Variants in PARD3B observed in about 807,000 individuals in gnomAD.
The protein encoded by PARD3B is partitioning defective 3 homolog B.
In PARD3B, 103 loss-of-function variants were observed where a neutral mutation model predicts 130.2. The observed-to-expected ratio is 0.79, with a 90% CI of 0.67 to 0.93. The LOEUF is 0.93. PARD3B is among the 40% of genes least tolerant of loss of function. PARD3B has a pLI of 0.00. For missense variants in PARD3B, 1,609 were observed against 1,499.2 expected (o/e 1.07, Z -1.21); for synonymous variants, 583 against 553.2 (o/e 1.05, Z -0.76).
chr2:205,264,009 A>T (rs543781650), intron 16 of PARD3B, among the ~76,000 whole-genome samples: 3 of 151,238 alleles, frequency 2.0e-5, no homozygotes, highest in Non-Finnish European at 4.4e-5. Context: ...AGACAGGTGG[A>T]TAGGACTTGA....
intron 1 of PARD3B, among the ~76,000 whole-genome samples, chr2:204,630,184 T>A (rs2034627985): frequency 6.6e-6 from 1 of 152,152 alleles, no homozygotes; most frequent in African/African-American, 2.4e-5. Flanking sequence ...CTCAATCTGA[T>A]CCAAACTGGT....
At chr2:205,531,499 G>T (rs886259255) in intron 21 of PARD3B, among the ~76,000 whole-genome samples, 1 of 152,024 alleles carries the variant, frequency 6.6e-6, no homozygotes, top group African/African-American at 2.4e-5. Flanking sequence ...AAATGTTCTT[G>T]CTCTCTAAAT....
chr2:205,324,872 A>G (rs778437011), intron 18 of PARD3B, among the ~76,000 whole-genome samples: 4 of 152,156 alleles, frequency 2.6e-5, no homozygotes, highest in Non-Finnish European at 4.4e-5. Flanking sequence ...TAGGTACCCC[A>G]AAATCAACCT....
intron 1 of PARD3B, among the ~76,000 whole-genome samples, chr2:204,613,319 C>T (rs1344669649): frequency 6.6e-6 from 1 of 152,110 alleles, no homozygotes; most frequent in Non-Finnish European, 1.5e-5. Flanking sequence ...GAGAAGGCCA[C>T]CTTTTACCTG....
chr2:205,239,290 C>T (rs936216355), intron 15 of PARD3B, among the ~76,000 whole-genome samples: 15 of 152,058 alleles, frequency 9.9e-5, no homozygotes, highest in African/African-American at 3.6e-4. Flanking sequence ...CCTCCCAGAT[C>T]AATTGATGCA....
At chr2:204,661,709 C>T (rs1412210074) in intron 1 of PARD3B, among the ~76,000 whole-genome samples, 2 of 151,852 alleles carry the variant, frequency 1.3e-5, no homozygotes, top group Non-Finnish European at 2.9e-5. Flanking sequence ...AAAAATAAAC[C>T]CATTACATGT....
intron 2 of PARD3B, among the ~76,000 whole-genome samples, chr2:204,913,980 G>C (rs765587236): frequency 3.3e-5 from 5 of 152,204 alleles, no homozygotes; most frequent in African/African-American, 9.6e-5. Context: ...TAGCTTTTGC[G>C]TGTGTGCCCT....
intron 21 of PARD3B, among the ~76,000 whole-genome samples, chr2:205,553,093 G>A (rs1257404293): frequency 6.6e-6 from 1 of 152,172 alleles, no homozygotes; most frequent in East Asian, 1.9e-4. Context: ...GGACATGAGG[G>A]AGTCAGTTTG....
chr2:205,414,603 G>A (rs935103345), intron 19 of PARD3B, among the ~76,000 whole-genome samples: 4 of 151,980 alleles, frequency 2.6e-5, no homozygotes, highest in African/African-American at 9.7e-5. Context: ...AGTAGATGAG[G>A]AATTGCTTAG....
intron 18 of PARD3B, among the ~76,000 whole-genome samples, chr2:205,327,542 G>T (rs1474297102): frequency 2.0e-5 from 3 of 152,174 alleles, no homozygotes; most frequent in Non-Finnish European, 4.4e-5. Context: ...AACATAAAAA[G>T]ATTGCTTGCC....
rs1472714807 is a variant in PARD3B at position 205,341,915 on chromosome 2, T to C, written c.2630+40214T>C. Among the ~76,000 whole-genome samples the C allele has an allele frequency of 1.3e-5, 2 of 152,094 alleles. No homozygotes were observed. The highest frequency in any genetic ancestry group is 2.9e-5 in the Non-Finnish European group (2 of 67,966). On this transcript the variant is annotated intron_variant, in intron 18 of 22. Coordinates refer to ENST00000406610, the MANE Select transcript of PARD3B (RefSeq NM_001302769.2). This position sits in a 1 kb window ranked among gnomAD's most constrained non-coding sequence, Gnocchi z 4.3. ...GGTAAATAATATATAAAAGATACAG[T>C]AAAAATACAATATTATAATCTTATG...
chr2:204,687,239 A>G (rs1388148812), intron 2 of PARD3B, among the ~76,000 whole-genome samples: 1 of 152,162 alleles, frequency 6.6e-6, no homozygotes, highest in East Asian at 1.9e-4. Flanking sequence ...AGACTGTTCA[A>G]ACTTACATTA....
At chr2:204,561,661 T>C (rs1300203320) in intron 1 of PARD3B, among the ~76,000 whole-genome samples, 2 of 151,094 alleles carry the variant, frequency 1.3e-5, no homozygotes, top group Non-Finnish European at 2.9e-5. Flanking sequence ...AGTGGTGCGA[T>C]CTTGGCTCAC....
At chr2:205,123,177 G>A (rs2030960885) in intron 8 of PARD3B, among the ~76,000 whole-genome samples, 1 of 152,186 alleles carries the variant, frequency 6.6e-6, no homozygotes, top group Non-Finnish European at 1.5e-5. Context: ...CTGTCTAAAG[G>A]TGGAAACATA....
intron 2 of PARD3B, among the ~76,000 whole-genome samples, chr2:204,860,323 A>T (rs73068640): frequency 6.6e-6 from 1 of 152,324 alleles, no homozygotes; most frequent in African/African-American, 2.4e-5. Flanking sequence ...AAGAATGGTT[A>T]AAACCAAAAG....
At chr2:205,168,659 CTTT>C (rs541871516) in intron 11 of PARD3B, among the ~76,000 whole-genome samples, 4 of 133,028 alleles carry the variant, frequency 3.0e-5, no homozygotes, top group South Asian at 2.5e-4. Context: ...GGTAGACAGC[CTTT>C]TTTTTTTTTT....
chr2:204,883,811 C>G (rs1229022712), intron 2 of PARD3B, among the ~76,000 whole-genome samples: 1 of 150,450 alleles, frequency 6.6e-6, no homozygotes, highest in Non-Finnish European at 1.5e-5. Flanking sequence ...GCAAGCTCGG[C>G]TCACTGCAAC....
At chr2:204,714,922 A>G (rs1441759291) in intron 2 of PARD3B, among the ~76,000 whole-genome samples, 1 of 152,214 alleles carries the variant, frequency 6.6e-6, no homozygotes, top group Non-Finnish European at 1.5e-5. Flanking sequence ...ATTACATTTA[A>G]TGGCTGAATG....
Position 205,193,208 on chromosome 2 carries a change from T to A in PARD3B, c.2028T>A (p.Ser676=). ...GLGLEDYSHS[S]GVDSAVYFPD... is the part of the protein sequence containing the mutation. ...AACATATGGCTTCCTTCCACAGCTC[T>A]GGGGTGGATTCAGCAGTATATTTTC... Residue 676 remains serine (S), a synonymous_variant, in exon 15 of 23, where the codon TCT becomes TCA. Coordinates refer to ENST00000406610, the MANE Select transcript of PARD3B (RefSeq NM_001302769.2). 1.9e-6 allele frequency: 3 copies of A among 1,599,714 alleles called. No homozygotes were observed. Among genetic ancestry groups the A allele is most frequent in the Non-Finnish European group, 2.6e-6 (3 of 1,166,868 alleles).
Sources: allele counts gnomAD v4.1 joint callset (sites outside exome capture counted in the v4.1 genomes callset), GRCh38; gene constraint gnomAD v4.1.1; non-coding constraint Gnocchi (gnomAD v3.1); transcripts MANE v1.5; gene names NCBI Gene and HGNC (gene_info 2026-07-23, HGNC 2026-07-21).